Variants in ACSM1 observed in about 807,000 individuals in gnomAD.
ACSM1 encodes the protein acyl-coenzyme A synthetase ACSM1, mitochondrial.
In ACSM1, 79 loss-of-function variants were observed where a neutral mutation model predicts 75.8. That is an observed-to-expected ratio of 1.04 (90% CI 0.87 to 1.26). ACSM1 has a LOEUF of 1.26. ACSM1 is among the 50% of genes most tolerant of loss of function. ACSM1 has a pLI of 0.00. For missense variants in ACSM1, 676 were observed against 720.1 expected, an observed-to-expected ratio of 0.94 and a Z score of 0.70; for synonymous variants, 279 against 265.8, an observed-to-expected ratio of 1.05 and a Z score of -0.48.
At chr16:20,652,202 A>G (rs568118254) in intron 7 of ACSM1, among the ~76,000 whole-genome samples, 2 of 152,288 alleles carry the variant, frequency 1.3e-5, no homozygotes, top group East Asian at 3.9e-4. Flanking sequence ...TTAATCAGGT[A>G]CATGTAATGG....
chr16:20,632,953 A>C (rs1000451650), intron 10 of ACSM1, among the ~76,000 whole-genome samples: 3 of 152,232 alleles, frequency 2.0e-5, no homozygotes, highest in Non-Finnish European at 4.4e-5. Flanking sequence ...GAGGCAGAGA[A>C]AGCACTTGAC....
At chr16:20,687,325 A>G (rs549468513) in intron 2 of ACSM1, among the ~76,000 whole-genome samples, 1 of 152,320 alleles carries the variant, frequency 6.6e-6, no homozygotes, top group South Asian at 2.1e-4. Context: ...CAAGGAAGAG[A>G]CTTTTAGGGA....
At chr16:20,677,659 G>A (rs928585004) in intron 4 of ACSM1, among the ~76,000 whole-genome samples, 2 of 152,172 alleles carry the variant, frequency 1.3e-5, no homozygotes, top group African/African-American at 4.8e-5. Context: ...AGTTTCATAC[G>A]AAAGGGAATC....
chr16:20,624,797 C>T (rs549051142), intron 12 of ACSM1, among the ~76,000 whole-genome samples: 53 of 152,030 alleles, frequency 3.5e-4, no homozygotes, highest in African/African-American at 1.3e-3. Flanking sequence ...CAGGTTCAAG[C>T]GATTCTCCTG....
At chr16:20,660,118 T>C (rs2019218891) in intron 7 of ACSM1, among the ~76,000 whole-genome samples, 1 of 152,212 alleles carries the variant, frequency 6.6e-6, no homozygotes, top group South Asian at 2.1e-4. Context: ...AGAATAAATC[T>C]CTAAAAATAT....
At chr16:20,645,743 C>T (rs529407934) in intron 7 of ACSM1, among the ~76,000 whole-genome samples, 3 of 152,238 alleles carry the variant, frequency 2.0e-5, no homozygotes, top group Non-Finnish European at 1.5e-5. Flanking sequence ...CATTGGGACG[C>T]AGAATCAGAA....
chr16:20,663,374 C>T (rs1485337413), intron 6 of ACSM1, among the ~76,000 whole-genome samples: 3 of 152,170 alleles, frequency 2.0e-5, no homozygotes, highest in Non-Finnish European at 4.4e-5. Flanking sequence ...TGTTTGATCA[C>T]CAATAAATAG....
At chr16:20,635,747 C>G (rs1430738639) in intron 10 of ACSM1, among the ~76,000 whole-genome samples, 1 of 151,964 alleles carries the variant, frequency 6.6e-6, no homozygotes, top group Non-Finnish European at 1.5e-5. Flanking sequence ...TTAAGTGATT[C>G]TCCTGCCTCA....
chr16:20,665,717 G>A lies in ACSM1; in HGVS notation c.913-3844C>T, dbSNP rs138937922. Among the ~76,000 whole-genome samples, 1,136 of 152,156 alleles carry A rather than the reference G, an allele frequency of 7.5e-3. 18 individuals carry two copies. The highest frequency in any genetic ancestry group is 0.027 in the African/African-American group (1,103 of 41,526). On this transcript the variant is annotated intron_variant, in intron 6 of 13. Transcript: ENST00000520010. Reference sequence around the variant, plus strand: ...CTCCAGGCCAATATCCCTGATAAACGTAGATGCAAAAATTCTCAACAAAAT... The same window carrying A: ...CTCCAGGCCAATATCCCTGATAAACATAGATGCAAAAATTCTCAACAAAAT...
At chr16:20,625,588 C>T in intron 11 of ACSM1, 66 bp from the exon 12 acceptor site, 1 of 1,438,876 alleles carries the variant, frequency 6.9e-7, no homozygotes, top group South Asian at 1.2e-5. Flanking sequence ...AGATCTCCTG[C>T]TTTGGAGTCA....
chr16:20,665,028 C>A (rs141098623), intron 6 of ACSM1, among the ~76,000 whole-genome samples: 1 of 151,948 alleles, frequency 6.6e-6, no homozygotes, highest in Non-Finnish European at 1.5e-5. Flanking sequence ...GCACTAAATG[C>A]CTTCATTAAG....
intron 9 of ACSM1, 70 bp from the exon 10 acceptor site, chr16:20,636,910 C>A: frequency 9.1e-7 from 1 of 1,102,376 alleles, no homozygotes. Context: ...CAAGCACTGT[C>A]TGGTTTATGC....
chr16:20,648,189 ATC>A lies in ACSM1; in HGVS notation c.993-7607_993-7606del, dbSNP rs2018463073. 6.6e-6 allele frequency among the ~76,000 whole-genome samples: 1 copy of A among 152,216 alleles called. No individual in the cohort carries two copies. The highest frequency in any genetic ancestry group is 2.1e-4 in the South Asian group (1 of 4,834). On this transcript the variant is annotated intron_variant, in intron 7 of 13. Transcript: ENST00000520010. The surrounding 1 kb of genome is among the most constrained non-coding windows in gnomAD (Gnocchi z 4.2). ...TTCTCATATCCAGGAGAGACTGAGA[ATC>A]TGACAACTTTAAAAGTCTGAAAAGA... is the stretch of plus-strand genomic sequence containing the variant.
intron 7 of ACSM1, among the ~76,000 whole-genome samples, chr16:20,647,683 T>G (rs1440300161): frequency 6.6e-6 from 1 of 152,032 alleles, no homozygotes; most frequent in Non-Finnish European, 1.5e-5. Context: ...CGATATCTAG[T>G]AATAATGATA....
At chr16:20,693,187 T>A (rs546111564) in intron 1 of ACSM1, among the ~76,000 whole-genome samples, 1 of 150,240 alleles carries the variant, frequency 6.7e-6, no homozygotes, top group South Asian at 2.1e-4. Context: ...AAAAAAAAAA[T>A]TCAGATCTTA....
chr16:20,669,890 C>T lies in ACSM1; in HGVS notation c.849G>A (p.Trp283Ter), dbSNP rs1351004438. ...GGATAAAGACTGTACAACCCGCTGT[C>T]CATGGTTCTACCAGGGTCCAAATGG... is the stretch of plus-strand genomic sequence containing the variant. ...VATIWTLVEP[W>*]TAGCTVFIHH... Residue 283 changes from tryptophan to a stop codon, truncating the protein, a stop_gained, in exon 6 of 14, where the codon TGG becomes TGA. Coordinates refer to ENST00000520010, the MANE Select transcript of ACSM1 (RefSeq NM_001318890.3). LOFTEE classifies it high-confidence loss of function. 1 of 1,613,966 alleles carries T rather than the reference C, an allele frequency of 6.2e-7. No homozygotes were observed. The highest frequency in any genetic ancestry group is 1.1e-5 in the South Asian group (1 of 91,078).
intron 2 of ACSM1, 30 bp downstream of exon 2, chr16:20,690,967 C>G (rs570360156): frequency 6.3e-7 from 1 of 1,593,024 alleles, no homozygotes; most frequent in South Asian, 1.2e-5. Flanking sequence ...CACCCTTGTT[C>G]TTATATCGCC....
intron 1 of ACSM1, 128 bp from the exon 2 acceptor site, chr16:20,691,367 T>C: frequency 1.9e-6 from 1 of 526,180 alleles, no homozygotes; most frequent in East Asian, 3.4e-5. Context: ...AAGGCACCCC[T>C]GATTGATTTT....
At chr16:20,625,131 A>G (rs1310052645) in intron 12 of ACSM1, among the ~76,000 whole-genome samples, 3 of 151,842 alleles carry the variant, frequency 2.0e-5, no homozygotes, top group Non-Finnish European at 4.4e-5. Flanking sequence ...AGGTTACTTA[A>G]CCTCCTCCTG....
Sources: allele counts gnomAD v4.1 joint callset (sites outside exome capture counted in the v4.1 genomes callset), GRCh38; gene constraint gnomAD v4.1.1; non-coding constraint Gnocchi (gnomAD v3.1); transcripts MANE v1.5; gene names NCBI Gene and HGNC (gene_info 2026-07-23, HGNC 2026-07-21).